CD163: variants seen among roughly 807,000 people sequenced by gnomAD.
CD163 encodes the protein CD163 molecule, also known as scavenger receptor cysteine-rich type 1 protein M130.
Under a neutral mutation model 129.2 loss-of-function variants are expected in CD163, and 64 were observed. The ratio of observed to expected loss-of-function variants is 0.50; its 90% CI spans 0.41 to 0.61. The LOEUF is 0.61. CD163 is among the 20% of genes least tolerant of loss of function. The probability of loss-of-function intolerance (pLI) is 0.00; values close to 1 mark genes in which losing one functional copy is unlikely to be tolerated. For missense variants in CD163, 1,061 were observed against 1,377.9 expected (o/e 0.77, Z 3.64); for synonymous variants, 446 against 478.5 (o/e 0.93, Z 0.89).
Position 7,483,452 on chromosome 12 carries a change from A to C in CD163, c.3003T>G (p.Asn1001Lys). Reference sequence around the variant, plus strand: ...CAGGACAATCCCACAAGGAAGACTCATTCCCTTTGCACTTCACTTCATTGA... The same window carrying C: ...CAGGACAATCCCACAAGGAAGACTCCTTCCCTTTGCACTTCACTTCATTGA... Reference protein sequence around the residue: ...IWLNEVKCKGNESSLWDCPAR... With the variant: ...IWLNEVKCKGKESSLWDCPAR... Residue 1001 changes from asparagine (N) to lysine (K), a missense_variant, in exon 12 of 17, where the codon AAT becomes AAG. Asn to Lys is a moderately conservative substitution (Grantham distance 94, BLOSUM62 0). Transcript: ENST00000432237. 6.2e-7 allele frequency: 1 copy of C among 1,614,142 alleles called. No individual in the cohort carries two copies. Among genetic ancestry groups the C allele is most frequent in the Non-Finnish European group, 8.5e-7 (1 of 1,179,988 alleles).
intron 3 of CD163, 96 bp downstream of exon 3, chr12:7,501,043 T>C (rs1453800517): frequency 4.0e-6 from 4 of 992,882 alleles, no homozygotes; most frequent in African/African-American, 3.2e-5. Flanking sequence ...ACTAGATTGC[T>C]TACAGGAAAG....
intron 2 of CD163, 68 bp downstream of exon 2, chr12:7,502,410 T>C: frequency 2.0e-6 from 2 of 982,142 alleles, no homozygotes; most frequent in Admixed American, 3.4e-5. Flanking sequence ...TTCAGAAAAA[T>C]TGTTTGCCTT....
intron 16 of CD163, among the ~76,000 whole-genome samples, chr12:7,474,889 G>A (rs184547121): frequency 1.3e-5 from 2 of 151,786 alleles, no homozygotes; most frequent in East Asian, 3.9e-4. Context: ...AGTGATAGAG[G>A]GGATATCACC....
chr12:7,501,923 G>T (rs1260268890), intron 2 of CD163, among the ~76,000 whole-genome samples: 2 of 152,166 alleles, frequency 1.3e-5, no homozygotes, highest in African/African-American at 4.8e-5. Context: ...ATGTAAAATA[G>T]CATAAATCTT....
At chr12:7,479,951 G>A in intron 15 of CD163, 38 bp from the exon 16 acceptor site, 1 of 1,612,470 alleles carries the variant, frequency 6.2e-7, no homozygotes, top group South Asian at 1.1e-5. Context: ...TTTAGACACA[G>A]AAATTAGTTC....
rs372790972 is a variant in CD163 at position 7,483,557 on chromosome 12, C to T, written c.2898G>A (p.Val966=). 2 of 1,613,914 alleles carry T rather than the reference C, an allele frequency of 1.2e-6. No individual in the cohort carries two copies. The highest frequency in any genetic ancestry group is 2.2e-5 in the East Asian group (1 of 44,834). ...CTGGACCACAGCCAAGTTGTTGACACACCACCTGAGCATCGTCCAAGTCCC... is the reference window on the plus strand; with the variant it reads ...CTGGACCACAGCCAAGTTGTTGACATACCACCTGAGCATCGTCCAAGTCCC... ...DSWDLDDAQV[V]CQQLGCGPAL... The change falls in exon 12 of 17, where the codon GTG becomes GTA. Residue 966 remains valine (V), a synonymous_variant. Coordinates refer to ENST00000432237, the MANE Select transcript of CD163 (RefSeq NM_203416.4).
rs767709351 is a variant in CD163 at position 7,487,340 on chromosome 12, C to G, written c.2050+19G>C. ...ACCTTCTCTTAAGACCCATCACTGG[C>G]TGCCCGTCATCCTCTTACCTGAGCA... On this transcript the variant is annotated intron_variant, in intron 8 of 16. Coordinates refer to ENST00000432237, the MANE Select transcript of CD163 (RefSeq NM_203416.4). This position sits in a 1 kb window ranked among gnomAD's most constrained non-coding sequence, Gnocchi z 5.1. 6.5e-7 allele frequency: 1 copy of G among 1,545,912 alleles called. No homozygotes were observed.
chr12:7,502,038 T>C (rs1949497876), intron 2 of CD163, among the ~76,000 whole-genome samples: 2 of 152,196 alleles, frequency 1.3e-5, no homozygotes, highest in Admixed American at 1.3e-4. Context: ...CCCCAGATGA[T>C]AGATGATCTC....
chr12:7,496,784 G>A lies in CD163; in HGVS notation c.1099+29C>T, dbSNP rs1405094752. ...GTTTCTGCTTTTCTTTTTGTTTAGT[G>A]TTTTGGTTTTGGTTTGGTTTTAACT... On this transcript the variant is annotated intron_variant, in intron 5 of 16. Transcript: ENST00000432237. The surrounding 1 kb of genome is among the most constrained non-coding windows in gnomAD (Gnocchi z 4.8). 1.9e-6 allele frequency: 3 copies of A among 1,597,460 alleles called. No individual in the cohort carries two copies. The highest frequency in any genetic ancestry group is 2.7e-5 in the African/African-American group (2 of 74,544).
intron 6 of CD163, among the ~76,000 whole-genome samples, chr12:7,492,743 T>C (rs970070513): frequency 6.6e-6 from 1 of 152,152 alleles, no homozygotes; most frequent in Non-Finnish European, 1.5e-5. Flanking sequence ...GCAGGTGTTG[T>C]ATATTGTTAA....
chr12:7,495,645 T>C (rs1320419518), intron 5 of CD163, among the ~76,000 whole-genome samples: 1 of 152,016 alleles, frequency 6.6e-6, no homozygotes, highest in Non-Finnish European at 1.5e-5. Context: ...TAAAAGAGAT[T>C]CCTCAAAAAG....
rs1949229642 is a variant in CD163 at position 7,485,113 on chromosome 12, G to A, written c.2762C>T (p.Thr921Ile). 2 of 1,606,442 alleles carry A rather than the reference G, an allele frequency of 1.2e-6. No homozygotes were observed. The highest frequency in any genetic ancestry group is 1.7e-6 in the Non-Finnish European group (2 of 1,175,322). Residue 921 changes from threonine to isoleucine, a missense_variant, in exon 11 of 17, where the codon ACC becomes ATC. By Grantham distance (89) the Thr-to-Ile change is moderately conservative. Transcript: ENST00000432237. This position sits in a 1 kb window ranked among gnomAD's most constrained non-coding sequence, Gnocchi z 4.5. ...EKRLASPSEE[T>I]WITCDNKIRL... ...ATACTCACTGTCACATGTGATCCAG[G>A]TCTCCTCCGAGGGGCTGGCCAGTCT...
In CD163 at chr12:7,495,391, A is replaced by T. The variant is rs1480344852; in HGVS notation, c.1110T>A (p.Asp370Glu). Residue 370 changes from aspartate to glutamate, a missense_variant, in exon 6 of 17, where the codon GAT (aspartate) becomes GAA (glutamate). Asp to Glu is a conservative substitution (Grantham distance 45). Coordinates refer to ENST00000432237, the MANE Select transcript of CD163 (RefSeq NM_203416.4). ...CTCCACCTCTAAGTCTTAGCTCCAG[A>T]TCTGATCCATCTGCAAAAGAAACAT... The part of the protein sequence containing the change: ...DAGVTCSDGS[D>E]LELRLRGGGS... 1.2e-6 allele frequency: 2 copies of T among 1,612,496 alleles called. No homozygotes were observed. Among genetic ancestry groups the T allele is most frequent in the Admixed American group, 3.3e-5 (2 of 59,974 alleles).
intron 11 of CD163, among the ~76,000 whole-genome samples, chr12:7,484,344 T>C (rs1462690691): frequency 6.6e-6 from 1 of 151,996 alleles, no homozygotes; most frequent in African/African-American, 2.4e-5. Flanking sequence ...TCTCACAGTT[T>C]AAGAAGATGT....
chr12:7,483,499 G>C lies in CD163; in HGVS notation c.2956C>G (p.Gln986Glu), dbSNP rs776200093. ...LKAFKEAEFGQGTGPIWLNEV... is the reference protein window; with the variant it reads ...LKAFKEAEFGEGTGPIWLNEV... ...TTGAGCCATATCGGTCCAGTCCCCTGACCAAACTCTGCTTCTTTGAATGCT... is the reference window on the plus strand; with the variant it reads ...TTGAGCCATATCGGTCCAGTCCCCTCACCAAACTCTGCTTCTTTGAATGCT... The change falls in exon 12 of 17, where the codon CAG becomes GAG. Residue 986 changes from glutamine (Q) to glutamate (E), a missense_variant. Transcript: ENST00000432237. 6.2e-7 allele frequency: 1 copy of C among 1,613,956 alleles called. No individual in the cohort carries two copies. The highest frequency in any genetic ancestry group is 1.1e-5 in the South Asian group (1 of 91,078).
chr12:7,494,272 T>C (rs1301111527), intron 6 of CD163, among the ~76,000 whole-genome samples: 2 of 152,206 alleles, frequency 1.3e-5, no homozygotes, highest in Non-Finnish European at 2.9e-5. Context: ...AAAAGTAATA[T>C]AGAAATTCAA....
chr12:7,482,785 A>G, intron 13 of CD163, 23 bp from the exon 14 acceptor site: 1 of 1,613,378 alleles, frequency 6.2e-7, no homozygotes, highest in Non-Finnish European at 8.5e-7. Flanking sequence ...AAATATCAAG[A>G]GATATGATCA....
At chr12:7,479,985 C>T in intron 15 of CD163, 72 bp from the exon 16 acceptor site, 4 of 1,608,404 alleles carry the variant, frequency 2.5e-6, no homozygotes, top group Non-Finnish European at 3.4e-6. Flanking sequence ...TCAGCTGACT[C>T]ATGGGAATTT....
In CD163 at chr12:7,501,413, G is replaced by A. The variant is rs772059973; in HGVS notation, c.183C>T (p.Ser61=). 9.3e-6 allele frequency: 15 copies of A among 1,613,578 alleles called. No homozygotes were observed. The highest frequency in any genetic ancestry group is 2.7e-5 in the African/African-American group (2 of 74,854). Residue 61 remains serine (S), a synonymous_variant, in exon 3 of 17, where the codon AGC becomes AGT. Coordinates refer to ENST00000432237, the MANE Select transcript of CD163 (RefSeq NM_203416.4). The stretch of plus-strand genomic sequence containing the variant: ...CCTGGACTTTCACTTCCACTCTCCC[G>A]CTACACTTGTTTTCACCATCCACTA... The part of the protein sequence containing the change: ...LRLVDGENKC[S]GRVEVKVQEE...
Sources: gnomAD v4.1 joint callset for allele counts (sites outside exome capture counted in the v4.1 genomes callset) on GRCh38, gnomAD v4.1.1 for gene constraint, Gnocchi (gnomAD v3.1) non-coding constraint, MANE v1.5 for transcripts, NCBI Gene and HGNC (gene_info 2026-07-23, HGNC 2026-07-21) for gene names.